Variants in KHDRBS2 observed in about 807,000 individuals in gnomAD.
KHDRBS2 encodes KH domain-containing, RNA-binding, signal transduction-associated protein 2.
Under a neutral mutation model 44.3 loss-of-function variants are expected in KHDRBS2, and 26 were observed. That is an observed-to-expected ratio of 0.59 (90% CI 0.43 to 0.81). The LOEUF (loss-of-function observed/expected upper bound fraction) is 0.81, where lower values mean the gene tolerates loss of function less well. Among genes scored for constraint, KHDRBS2 ranks in the 40% least tolerant of loss-of-function variants. The probability of loss-of-function intolerance (pLI) is 0.00; values close to 1 mark genes in which losing one functional copy is unlikely to be tolerated. For missense variants in KHDRBS2, 476 were observed against 433.1 expected, an observed-to-expected ratio of 1.10 and a Z score of -0.88; for synonymous variants, 194 against 151.1, an observed-to-expected ratio of 1.28 and a Z score of -2.08.
At chr6:62,224,645 A>T (rs1831462974) in intron 1 of KHDRBS2, among the ~76,000 whole-genome samples, 1 of 152,168 alleles carries the variant, frequency 6.6e-6, no homozygotes, top group Non-Finnish European at 1.5e-5. Context: ...AATTTCTCCT[A>T]TGTAATATTT....
the KHDRBS2 span, among the ~76,000 whole-genome samples, chr6:61,596,628 G>A: frequency 1.3e-5 from 2 of 151,796 alleles, no homozygotes; most frequent in African/African-American, 4.8e-5. Context: ...CCCTACATTT[G>A]TACTTCTTTT....
intron 2 of KHDRBS2, among the ~76,000 whole-genome samples, chr6:62,145,013 T>G (rs187577740): frequency 2.6e-5 from 4 of 152,128 alleles, no homozygotes; most frequent in Non-Finnish European, 4.4e-5. Flanking sequence ...CCCTTTCAAT[T>G]CTGCCATGAG....
At chr6:61,859,769 T>C (rs1247015427) in intron 6 of KHDRBS2, among the ~76,000 whole-genome samples, 1 of 151,974 alleles carries the variant, frequency 6.6e-6, no homozygotes, top group Non-Finnish European at 1.5e-5. Context: ...ATATTTAACA[T>C]ATGTATATAA....
intron 1 of KHDRBS2, among the ~76,000 whole-genome samples, chr6:62,264,040 C>T (rs1456358524): frequency 6.6e-6 from 1 of 151,668 alleles, no homozygotes; most frequent in African/African-American, 2.4e-5. Context: ...AAAACATCAA[C>T]CAGATATTAT....
At chr6:61,590,101 C>T in the KHDRBS2 span, among the ~76,000 whole-genome samples, 484 of 152,220 alleles carry the variant, frequency 3.2e-3, 2 homozygotes, top group Non-Finnish European at 5.2e-3. Flanking sequence ...AATAGTTTAG[C>T]CTATTTAATA....
At chr6:61,675,667 G>A (rs1669913088), downstream of KHDRBS2, among the ~76,000 whole-genome samples, 1 of 151,770 alleles carries the variant, frequency 6.6e-6, no homozygotes, top group African/African-American at 2.4e-5. Flanking sequence ...TGATTCTGAT[G>A]TAATCATATT....
intron 6 of KHDRBS2, among the ~76,000 whole-genome samples, chr6:61,843,370 T>TATTATTATTATTATG: frequency 7.0e-6 from 1 of 143,190 alleles, no homozygotes; most frequent in Non-Finnish European, 1.5e-5. Context: ...TTATTATTAT[T>TATTATTATTATTATG]ATTATATTTT....
chr6:61,560,996 G>A, the KHDRBS2 span, among the ~76,000 whole-genome samples: 1 of 152,100 alleles, frequency 6.6e-6, no homozygotes, highest in African/African-American at 2.4e-5. Context: ...CTTGGGTGCT[G>A]TGATCTAAGT....
In KHDRBS2 at chr6:62,120,275, G is replaced by A. The variant is rs529947123; in HGVS notation, c.219+56910C>T. Among the ~76,000 whole-genome samples, 166 of 152,030 alleles carry A rather than the reference G, an allele frequency of 1.1e-3. 1 individual carries two copies. In the Middle Eastern group the frequency reaches 0.02, roughly 19 times the overall value. ...AGATCCAAAGGCTTAGGAACATAGG[G>A]ATGCTAGAGTGAATTAGTCACTTTA... is the stretch of plus-strand genomic sequence containing the variant. On this transcript the variant is annotated intron_variant, in intron 2 of 8. Coordinates refer to ENST00000281156, the MANE Select transcript of KHDRBS2 (RefSeq NM_152688.4).
intron 2 of KHDRBS2, among the ~76,000 whole-genome samples, chr6:62,125,341 G>A (rs1405120834): frequency 6.6e-6 from 1 of 152,224 alleles, no homozygotes; most frequent in African/African-American, 2.4e-5. Flanking sequence ...CCAGTTGTCA[G>A]AACCTGAGTT....
At chr6:61,557,800 A>T in the KHDRBS2 span, among the ~76,000 whole-genome samples, 1 of 152,134 alleles carries the variant, frequency 6.6e-6, no homozygotes, top group Non-Finnish European at 1.5e-5. Context: ...ACTTTTTATT[A>T]CAACTTTGAT....
chr6:62,080,186 A>G (rs1797123513), intron 2 of KHDRBS2, among the ~76,000 whole-genome samples: 1 of 152,132 alleles, frequency 6.6e-6, no homozygotes. Context: ...GCATTCCTAA[A>G]GTAAGCTAAA....
chr6:61,987,171 C>A (rs1583983298), intron 3 of KHDRBS2, among the ~76,000 whole-genome samples: 1 of 152,158 alleles, frequency 6.6e-6, no homozygotes, highest in Non-Finnish European at 1.5e-5. Flanking sequence ...CTTCGAATTC[C>A]TCACCTATAA....
intron 4 of KHDRBS2, among the ~76,000 whole-genome samples, chr6:61,961,793 G>C (rs189677090): frequency 2.8e-4 from 42 of 152,148 alleles, no homozygotes; most frequent in African/African-American, 9.9e-4. Context: ...ATCATACAGG[G>C]CCTTGAAGGC....
chr6:61,941,593 T>C (rs1347883935), intron 4 of KHDRBS2, among the ~76,000 whole-genome samples: 2 of 151,786 alleles, frequency 1.3e-5, no homozygotes, highest in Non-Finnish European at 2.9e-5. Context: ...CAGGAAAACT[T>C]TACCACAGCC....
At chr6:61,762,874 C>T (rs1779478526) in intron 6 of KHDRBS2, among the ~76,000 whole-genome samples, 1 of 152,066 alleles carries the variant, frequency 6.6e-6, no homozygotes, top group African/African-American at 2.4e-5. Flanking sequence ...TTTTATTTAC[C>T]CATCTCTTTC....
intron 6 of KHDRBS2, among the ~76,000 whole-genome samples, chr6:61,774,477 T>C (rs1048444934): frequency 6.6e-6 from 1 of 152,050 alleles, no homozygotes; most frequent in Non-Finnish European, 1.5e-5. Flanking sequence ...TGTACAAAAA[T>C]CACAAGCATT....
the KHDRBS2 span, among the ~76,000 whole-genome samples, chr6:61,632,146 G>A: frequency 6.6e-5 from 10 of 152,256 alleles, no homozygotes; most frequent in East Asian, 1.5e-3. Context: ...AGGACTATGT[G>A]AAAGGATTGG....
At chr6:61,976,793 T>G (rs1396446458) in intron 4 of KHDRBS2, among the ~76,000 whole-genome samples, 1 of 152,134 alleles carries the variant, frequency 6.6e-6, no homozygotes, top group Non-Finnish European at 1.5e-5. Context: ...AGGTCTGGTC[T>G]GAACTAAATA....
Sources: allele counts gnomAD v4.1 joint callset (sites outside exome capture counted in the v4.1 genomes callset), GRCh38; gene constraint gnomAD v4.1.1; transcripts MANE v1.5; gene names NCBI Gene and HGNC (gene_info 2026-07-23, HGNC 2026-07-21).